LRRC37A2: variants seen among roughly 807,000 people sequenced by gnomAD.
LRRC37A2 encodes the protein leucine-rich repeat-containing protein 37A2.
LRRC37A2 carries 9 observed loss-of-function variants against 68.8 expected under a neutral mutation model. The ratio of observed to expected loss-of-function variants is 0.13; its 90% CI spans 0.08 to 0.23. The LOEUF is 0.23. Ranked by LOEUF, LRRC37A2 falls within the 10% of genes least tolerant of loss-of-function variation. The pLI is 1.00. For synonymous variants in LRRC37A2, 63 were observed against 367.6 expected (o/e 0.17, Z 9.48); for missense variants, 168 against 950.4 (o/e 0.18, Z 10.82).
chr17:46,721,826 T>C, the LRRC37A2 span: 2 of 1,598,092 alleles, frequency 1.3e-6, no homozygotes, highest in African/African-American at 1.3e-5. Context: ...GGGACACTTT[T>C]GCTTATTTTT....
chr17:46,935,897 T>C, the LRRC37A2 span: 6 of 985,846 alleles, frequency 6.1e-6, no homozygotes, highest in South Asian at 4.7e-5. Flanking sequence ...CTGTCTGTTA[T>C]CAGGGTGTGG....
At chr17:46,569,068 G>A in the LRRC37A2 span, among the ~76,000 whole-genome samples, 4 of 140,080 alleles carry the variant, frequency 2.9e-5, no homozygotes, top group East Asian at 2.1e-4. Flanking sequence ...TCAGCCTCCC[G>A]AGTAGCTGGG....
At chr17:46,781,444 A>G in the LRRC37A2 span, among the ~76,000 whole-genome samples, 5 of 152,106 alleles carry the variant, frequency 3.3e-5, no homozygotes, top group East Asian at 9.6e-4. Flanking sequence ...ATTCTGATGC[A>G]AGCTACAACA....
At chr17:46,932,589 T>C in the LRRC37A2 span, 2 of 448,872 alleles carry the variant, frequency 4.5e-6, no homozygotes, top group Non-Finnish European at 7.9e-6. Context: ...CAGTTGCCAT[T>C]GTGCCGAGTA....
the LRRC37A2 span, chr17:46,833,220 T>C: frequency 0.015 from 5,940 of 406,590 alleles, 253 homozygotes; most frequent in African/African-American, 0.1. Flanking sequence ...GGAAGCAGCA[T>C]GTGCGTGGAA....
chr17:46,782,763 C>G, the LRRC37A2 span, among the ~76,000 whole-genome samples: 1 of 152,234 alleles, frequency 6.6e-6, no homozygotes, highest in Non-Finnish European at 1.5e-5. Context: ...TGGAGCCGCT[C>G]ACCTGGCTGC....
At chr17:46,392,439 TTCTTTC>T in the LRRC37A2 span, among the ~76,000 whole-genome samples, 1 of 33,066 alleles carries the variant, frequency 3.0e-5, no homozygotes, top group Non-Finnish European at 1.3e-4. Flanking sequence ...CTCTCTTTCT[TTCTTTC>T]TTTCTTTCTT....
chr17:46,900,260 TA>T, the LRRC37A2 span, among the ~76,000 whole-genome samples: 1 of 148,000 alleles, frequency 6.8e-6, no homozygotes, highest in African/African-American at 2.5e-5. Flanking sequence ...TGTATATATA[TA>T]TTTTTTTGAG....
At chr17:46,950,057 C>T in the LRRC37A2 span, among the ~76,000 whole-genome samples, 15 of 152,204 alleles carry the variant, frequency 9.9e-5, no homozygotes, top group Non-Finnish European at 1.9e-4. Context: ...AAAGAGAGGC[C>T]GTGGGGCCTC....
the LRRC37A2 span, among the ~76,000 whole-genome samples, chr17:47,014,053 A>C: frequency 6.6e-6 from 1 of 151,828 alleles, no homozygotes; most frequent in Non-Finnish European, 1.5e-5. Flanking sequence ...AGATCATGCC[A>C]TTGCACTCCA....
chr17:46,671,798 A>G, the LRRC37A2 span, among the ~76,000 whole-genome samples: 802 of 132,744 alleles, frequency 6.0e-3, 48 homozygotes, highest in African/African-American at 0.02. Flanking sequence ...TAATTTGAGC[A>G]TTTTCTGTGT....
At chr17:47,009,401 T>G in the LRRC37A2 span, among the ~76,000 whole-genome samples, 2 of 152,334 alleles carry the variant, frequency 1.3e-5, no homozygotes, top group African/African-American at 4.8e-5. Flanking sequence ...GCTTGGCTTT[T>G]CCAGTTCTTT....
chr17:46,817,540 G>C, the LRRC37A2 span, among the ~76,000 whole-genome samples: 1 of 152,148 alleles, frequency 6.6e-6, no homozygotes, highest in East Asian at 1.9e-4. Context: ...GTGGGAGAGC[G>C]GCGATGGGGC....
downstream of LRRC37A2, among the ~76,000 whole-genome samples, chr17:46,558,427 C>T (rs2057404262): frequency 8.9e-6 from 1 of 112,168 alleles, no homozygotes; most frequent in Non-Finnish European, 1.8e-5. Flanking sequence ...GTCTCTGTCA[C>T]CCAGGCTGGA....
At chr17:47,043,657 TC>T in the LRRC37A2 span, among the ~76,000 whole-genome samples, 1 of 148,052 alleles carries the variant, frequency 6.8e-6, no homozygotes, top group Non-Finnish European at 1.5e-5. Context: ...TTAGATTTAT[TC>T]CTTCTTCTTT....
the LRRC37A2 span, among the ~76,000 whole-genome samples, chr17:46,977,708 G>A: frequency 6.6e-6 from 1 of 152,326 alleles, no homozygotes; most frequent in African/African-American, 2.4e-5. Context: ...GGTTTCTTCC[G>A]TCTACTCATC....
chr17:46,826,410 G>A, the LRRC37A2 span, among the ~76,000 whole-genome samples: 1 of 152,248 alleles, frequency 6.6e-6, no homozygotes, highest in Non-Finnish European at 1.5e-5. Flanking sequence ...GCTAAGCAGG[G>A]ACATCTGCCT....
At chr17:46,933,687 G>A in the LRRC37A2 span, 1 of 147,166 alleles carries the variant, frequency 6.8e-6, no homozygotes, top group Non-Finnish European at 1.5e-5. Flanking sequence ...AACAGCACTA[G>A]TGGAGCAGGG....
the LRRC37A2 span, among the ~76,000 whole-genome samples, chr17:46,905,076 T>G: frequency 6.6e-6 from 1 of 151,794 alleles, no homozygotes; most frequent in African/African-American, 2.4e-5. Flanking sequence ...GACCTTTTTT[T>G]TTCTTTTTTT....
Sources: allele counts gnomAD v4.1 joint callset (sites outside exome capture counted in the v4.1 genomes callset), GRCh38; gene constraint gnomAD v4.1.1; transcripts MANE v1.5; gene names NCBI Gene and HGNC (gene_info 2026-07-23, HGNC 2026-07-21).